The following GRIP2 variants were observed in gnomAD, a reference collection of about 807,000 sequenced individuals.
GRIP2 encodes the protein glutamate receptor-interacting protein 2.
Under a neutral mutation model 108.3 loss-of-function variants are expected in GRIP2, and 58 were observed. The observed-to-expected ratio is 0.54, with a 90% CI of 0.43 to 0.67. GRIP2 has a LOEUF of 0.67. Among genes scored for constraint, GRIP2 ranks in the 30% least tolerant of loss-of-function variants. The probability of loss-of-function intolerance (pLI) is 0.00; values close to 1 mark genes in which losing one functional copy is unlikely to be tolerated. For missense variants in GRIP2, 1,278 were observed against 1,430.6 expected (o/e 0.89, Z 1.72); for synonymous variants, 586 against 598.2 (o/e 0.98, Z 0.30).
chr3:14,597,612 G>C, the GRIP2 span, among the ~76,000 whole-genome samples: 2 of 152,146 alleles, frequency 1.3e-5, no homozygotes, highest in Non-Finnish European at 2.9e-5. Context: ...GCCTTAGAAA[G>C]CCAACTGCAA....
At chr3:14,493,966 G>C (rs1002002833) in intron 23 of GRIP2, 140 bp from the exon 24 acceptor site, 3 of 763,040 alleles carry the variant, frequency 3.9e-6, no homozygotes, top group Admixed American at 6.6e-5. Context: ...ACCACACACA[G>C]AGGAACATTC....
At chr3:14,546,120 C>A (rs1338006250), upstream of GRIP2, among the ~76,000 whole-genome samples, 3 of 152,160 alleles carry the variant, frequency 2.0e-5, no homozygotes, top group Non-Finnish European at 4.4e-5. Context: ...CTTCACACCC[C>A]GTAGGGACCT....
the GRIP2 span, among the ~76,000 whole-genome samples, chr3:14,595,583 C>A: frequency 1.3e-3 from 202 of 152,354 alleles, no homozygotes; most frequent in Non-Finnish European, 2.4e-3. Context: ...GGGGATCACT[C>A]ACAGAGTTGG....
At chr3:14,539,901 G>A (rs1002077936) in intron 1 of GRIP2, among the ~76,000 whole-genome samples, 3 of 152,092 alleles carry the variant, frequency 2.0e-5, no homozygotes, top group Non-Finnish European at 4.4e-5. Context: ...CCTCTGGGTC[G>A]GACACTCACT....
chr3:14,567,277 C>CAAGG, the GRIP2 span, among the ~76,000 whole-genome samples: 26,563 of 152,036 alleles, frequency 0.17, 2,470 homozygotes, highest in Middle Eastern at 0.29. Context: ...AAAATACCTA[C>CAAGG]AAGAAGGGAG....
chr3:14,501,353 A>T (rs1247289162), intron 21 of GRIP2, among the ~76,000 whole-genome samples: 1 of 152,250 alleles, frequency 6.6e-6, no homozygotes, highest in Non-Finnish European at 1.5e-5. Flanking sequence ...TATAAATTTT[A>T]TATATGAATT....
intron 1 of GRIP2, among the ~76,000 whole-genome samples, chr3:14,535,685 G>C (rs775177031): frequency 5.3e-5 from 8 of 152,252 alleles, no homozygotes; most frequent in Non-Finnish European, 1.2e-4. Flanking sequence ...GAGGCACAGA[G>C]AGGTCAAGGG....
chr3:14,556,275 A>G (rs1388553704), upstream of GRIP2, among the ~76,000 whole-genome samples: 1 of 151,008 alleles, frequency 6.6e-6, no homozygotes, highest in Non-Finnish European at 1.5e-5. Context: ...GGCCCACCCC[A>G]CCTTTTGCTG....
At chr3:14,551,283 C>A (rs574123046) in intron 1 of GRIP2, among the ~76,000 whole-genome samples, 200 of 152,300 alleles carry the variant, frequency 1.3e-3, no homozygotes, top group African/African-American at 4.6e-3. Flanking sequence ...ACATTCAAGC[C>A]GACAGACAGA....
chr3:14,496,355 C>T (rs767517891), intron 22 of GRIP2, 62 bp downstream of exon 22: 67 of 1,446,596 alleles, frequency 4.6e-5, no homozygotes, highest in South Asian at 6.6e-5. Flanking sequence ...TGGAGTCCCA[C>T]GACAGTGCTC....
chr3:14,496,522 G>A lies in GRIP2; in HGVS notation c.2718C>T (p.Leu906=), dbSNP rs772041467. ...AAGGCCGGTGGCCAGGCCTGCCCTCGAGGGCCACCCTCTGCACGGTGCCCG... is the reference window on the plus strand; with the variant it reads ...AAGGCCGGTGGCCAGGCCTGCCCTCAAGGGCCACCCTCTGCACGGTGCCCG... The part of the protein sequence containing the change: ...IMTGTVQRVA[L]EGRPGHRPWQ... The change falls in exon 22 of 24, where the codon CTC becomes CTT. Residue 906 remains leucine (L), a synonymous_variant. Transcript: ENST00000621039. 7.4e-6 allele frequency: 12 copies of A among 1,612,688 alleles called. No individual in the cohort carries two copies. Among genetic ancestry groups the A allele is most frequent in the Admixed American group, 3.3e-5 (2 of 59,934 alleles).
upstream of GRIP2, among the ~76,000 whole-genome samples, chr3:14,561,003 T>C (rs761277473): frequency 2.6e-5 from 4 of 152,184 alleles, no homozygotes; most frequent in African/African-American, 9.7e-5. Context: ...ATGAATTACT[T>C]TGGGTGCAGG....
At chr3:14,573,864 C>G in the GRIP2 span, 9 of 1,335,352 alleles carry the variant, frequency 6.7e-6, no homozygotes, top group South Asian at 1.1e-4. Context: ...CATGGGCGAG[C>G]ACTCCTCCTC....
In GRIP2 at chr3:14,505,105, C is replaced by T. The variant is rs1298521319; in HGVS notation, c.2573+510G>A. Among the ~76,000 whole-genome samples the T allele has an allele frequency of 6.6e-6, 1 of 152,144 alleles. No homozygotes were observed. Among genetic ancestry groups the T allele is most frequent in the Non-Finnish European group, 1.5e-5 (1 of 68,008 alleles). On this transcript the variant is annotated intron_variant, in intron 20 of 23. Transcript: ENST00000621039. The surrounding 1 kb of genome is among the most constrained non-coding windows in gnomAD (Gnocchi z 4.2). ...TTGCCAGGAGAGACCAGGGGAAAGGCATCGAGGCAGAAGGAACCGCCTGAT... is the reference window on the plus strand; with the variant it reads ...TTGCCAGGAGAGACCAGGGGAAAGGTATCGAGGCAGAAGGAACCGCCTGAT...
At chr3:14,562,140 C>A in the GRIP2 span, among the ~76,000 whole-genome samples, 1 of 152,198 alleles carries the variant, frequency 6.6e-6, no homozygotes, top group Non-Finnish European at 1.5e-5. Context: ...TTGCCAGTTA[C>A]AAAGGGGCTG....
the GRIP2 span, among the ~76,000 whole-genome samples, chr3:14,576,246 T>C: frequency 4.6e-5 from 7 of 152,210 alleles, no homozygotes; most frequent in East Asian, 1.9e-4. Flanking sequence ...TTCCACGCAA[T>C]TGGCGTGGCT....
chr3:14,593,666 C>G, the GRIP2 span, among the ~76,000 whole-genome samples: 1 of 152,236 alleles, frequency 6.6e-6, no homozygotes, highest in Middle Eastern at 3.2e-3. Flanking sequence ...AGGTTGACAA[C>G]ATCCCTCATA....
the GRIP2 span, among the ~76,000 whole-genome samples, chr3:14,599,061 C>T: frequency 6.6e-6 from 1 of 152,192 alleles, no homozygotes; most frequent in Non-Finnish European, 1.5e-5. Flanking sequence ...CTGAAACTCT[C>T]CATTCACATT....
chr3:14,574,357 G>T, the GRIP2 span: 1 of 969,268 alleles, frequency 1.0e-6, no homozygotes, highest in Non-Finnish European at 1.6e-6. Context: ...GCGATGCGCT[G>T]GTTCCGCCGC....
Sources: allele counts gnomAD v4.1 joint callset (sites outside exome capture counted in the v4.1 genomes callset), GRCh38; gene constraint gnomAD v4.1.1; non-coding constraint Gnocchi (gnomAD v3.1); transcripts MANE v1.5; gene names NCBI Gene and HGNC (gene_info 2026-07-23, HGNC 2026-07-21).